LPP: variants seen among roughly 807,000 people sequenced by gnomAD.
LPP encodes LIM domain containing preferred translocation partner in lipoma, also known as lipoma-preferred partner.
In LPP, 38 loss-of-function variants were observed where a neutral mutation model predicts 60.4. The observed-to-expected ratio is 0.63, with a 90% CI of 0.49 to 0.83. LPP has a LOEUF of 0.83. Among genes scored for constraint, LPP ranks in the 40% least tolerant of loss-of-function variants. The probability of loss-of-function intolerance (pLI) is 0.00; values close to 1 mark genes in which losing one functional copy is unlikely to be tolerated. For missense variants in LPP, 902 were observed against 783.6 expected (o/e 1.15, Z -1.80); for synonymous variants, 328 against 290.8 (o/e 1.13, Z -1.30).
chr3:188,265,527 TA>T (rs1165882177), intron 2 of LPP, among the ~76,000 whole-genome samples: 2 of 152,176 alleles, frequency 1.3e-5, no homozygotes, highest in African/African-American at 4.8e-5. Context: ...TGATCAATGC[TA>T]GAGTTAGGAA....
At chr3:188,350,314 A>G (rs1445072479) in intron 3 of LPP, among the ~76,000 whole-genome samples, 1 of 152,168 alleles carries the variant, frequency 6.6e-6, no homozygotes, top group African/African-American at 2.4e-5. Flanking sequence ...ACTCTTTCCT[A>G]TTGGAGGTTT....
At chr3:188,759,744 G>T (rs189198284) in intron 8 of LPP, among the ~76,000 whole-genome samples, 1 of 152,188 alleles carries the variant, frequency 6.6e-6, no homozygotes, top group African/African-American at 2.4e-5. Flanking sequence ...CTGTTTTATA[G>T]ATTTTGCCTT....
At chr3:188,241,988 A>C (rs576451294) in intron 2 of LPP, among the ~76,000 whole-genome samples, 1 of 152,262 alleles carries the variant, frequency 6.6e-6, no homozygotes, top group African/African-American at 2.4e-5. Flanking sequence ...CTGACGCTGT[A>C]TGTCCTCTTG....
intron 9 of LPP, among the ~76,000 whole-genome samples, chr3:188,786,528 T>G (rs1200135887): frequency 6.6e-6 from 1 of 152,116 alleles, no homozygotes; most frequent in African/African-American, 2.4e-5. Flanking sequence ...TTTCTTCTTT[T>G]AAAACTAATC....
At chr3:188,183,568 T>C (rs1725727259) in intron 1 of LPP, among the ~76,000 whole-genome samples, 1 of 152,198 alleles carries the variant, frequency 6.6e-6, no homozygotes, top group Admixed American at 6.5e-5. Context: ...AAAGACATCC[T>C]GTGGAAGGGC....
At chr3:188,406,407 T>A (rs1783505761) in intron 4 of LPP, 94 bp downstream of exon 4, 2 of 1,212,592 alleles carry the variant, frequency 1.6e-6, no homozygotes, top group South Asian at 2.9e-5. Context: ...AAAAACGTAG[T>A]TTGTGAATTC....
At chr3:188,869,087 G>A (rs952090796) in intron 10 of LPP, among the ~76,000 whole-genome samples, 6 of 152,084 alleles carry the variant, frequency 3.9e-5, no homozygotes, top group African/African-American at 4.8e-5. Context: ...TTTTAAGTGG[G>A]AAACAAGGAG....
chr3:188,590,000 G>A (rs754450789), intron 6 of LPP, among the ~76,000 whole-genome samples: 68 of 152,218 alleles, frequency 4.5e-4, no homozygotes, highest in Non-Finnish European at 8.4e-4. Context: ...TTTTGTTTAC[G>A]TTGCACTGCA....
intron 5 of LPP, among the ~76,000 whole-genome samples, chr3:188,507,569 T>G (rs528988708): frequency 7.9e-4 from 120 of 152,178 alleles, no homozygotes; most frequent in Non-Finnish European, 6.6e-4. Flanking sequence ...CACAGATTCC[T>G]CAACCTCAAC....
Position 188,663,810 on chromosome 3 carries a change from G to A in LPP, c.1114-44457G>A, listed in dbSNP as rs188555245. 3.1e-4 allele frequency among the ~76,000 whole-genome samples: 47 copies of A among 152,174 alleles called. No homozygotes were observed. The East Asian group carries it at 8.1e-3, about 26-fold the overall frequency. ...TGAAACTCTTCCACCTCAGATTATC[G>A]GCATTAGAGTCTCATAAGGGGCATG... is the stretch of plus-strand genomic sequence containing the variant. On this transcript the variant is annotated intron_variant, in intron 7 of 11. Coordinates refer to ENST00000617246, the MANE Select transcript of LPP (RefSeq NM_001375462.1).
chr3:188,749,968 A>G (rs567411704), intron 8 of LPP, among the ~76,000 whole-genome samples: 59 of 152,264 alleles, frequency 3.9e-4, no homozygotes, highest in African/African-American at 1.3e-3. Context: ...AGACTGGGTA[A>G]TTTATAAAGA....
chr3:188,173,505 A>C (rs114431342), intron 1 of LPP, among the ~76,000 whole-genome samples: 63,787 of 151,470 alleles, frequency 0.42, 13,911 homozygotes, highest in Non-Finnish European at 0.49. Context: ...CCGTCTCAAA[A>C]AAAACAAAAA....
At chr3:188,701,944 CTTTTTTTT>C (rs35803152) in intron 7 of LPP, among the ~76,000 whole-genome samples, 5 of 83,550 alleles carry the variant, frequency 6.0e-5, no homozygotes, top group Non-Finnish European at 1.0e-4. Context: ...GTTTTTTTCC[CTTTTTTTT>C]TTTTTTTTTT....
chr3:188,765,052 T>C (rs1385413341), intron 9 of LPP, among the ~76,000 whole-genome samples: 1 of 152,174 alleles, frequency 6.6e-6, no homozygotes, highest in Non-Finnish European at 1.5e-5. Flanking sequence ...CAGCCTACAT[T>C]AAGAGGTAGT....
chr3:188,351,106 G>A (rs1765705277), intron 3 of LPP, among the ~76,000 whole-genome samples: 1 of 152,186 alleles, frequency 6.6e-6, no homozygotes, highest in African/African-American at 2.4e-5. Flanking sequence ...ATATTTTAAA[G>A]GCTTTGAATT....
At chr3:188,377,411 A>G (rs1775471203) in intron 3 of LPP, among the ~76,000 whole-genome samples, 1 of 151,884 alleles carries the variant, frequency 6.6e-6, no homozygotes, top group South Asian at 2.1e-4. Context: ...ATTTCTTTTT[A>G]TTCCTTTTTC....
chr3:188,385,573 A>G (rs1778058071), intron 3 of LPP, among the ~76,000 whole-genome samples: 1 of 152,230 alleles, frequency 6.6e-6, no homozygotes, highest in Non-Finnish European at 1.5e-5. Context: ...TACTTGTGGT[A>G]TGGAAAGCTA....
intron 2 of LPP, among the ~76,000 whole-genome samples, chr3:188,280,368 G>A (rs987354551): frequency 6.6e-6 from 1 of 152,136 alleles, no homozygotes; most frequent in Non-Finnish European, 1.5e-5. Context: ...AATTGAAGAG[G>A]TTGTGAGAGA....
At chr3:188,262,706 C>G (rs1380242184) in intron 2 of LPP, among the ~76,000 whole-genome samples, 1 of 148,512 alleles carries the variant, frequency 6.7e-6, no homozygotes, top group East Asian at 1.9e-4. Flanking sequence ...TCTCCTCTCT[C>G]CTCTCTCTGT....
Sources: allele counts gnomAD v4.1 joint callset (sites outside exome capture counted in the v4.1 genomes callset), GRCh38; gene constraint gnomAD v4.1.1; transcripts MANE v1.5; gene names NCBI Gene and HGNC (gene_info 2026-07-23, HGNC 2026-07-21).